SNX8: variants seen among roughly 807,000 people sequenced by gnomAD.
SNX8 encodes the protein sorting nexin-8.
In SNX8, 25 loss-of-function variants were observed where a neutral mutation model predicts 51.6. That is an observed-to-expected ratio of 0.48 (90% CI 0.35 to 0.68). The LOEUF (loss-of-function observed/expected upper bound fraction) is 0.68. Ranked by LOEUF, SNX8 falls within the 30% of genes least tolerant of loss-of-function variation. The pLI, the probability that SNX8 is intolerant of heterozygous loss-of-function variation, is 0.00. For missense variants in SNX8, 695 were observed against 624.0 expected, an observed-to-expected ratio of 1.11 and a Z score of -1.21; for synonymous variants, 324 against 277.0, an observed-to-expected ratio of 1.17 and a Z score of -1.68.
chr7:2,299,102 C>T (rs1796336110), intron 1 of SNX8, among the ~76,000 whole-genome samples: 1 of 151,990 alleles, frequency 6.6e-6, no homozygotes, highest in Admixed American at 6.6e-5. Context: ...GAGCTAGGTT[C>T]CTCGATAGGA....
chr7:2,345,426 C>G (rs1006657252), intron 1 of SNX8, among the ~76,000 whole-genome samples: 13 of 152,078 alleles, frequency 8.5e-5, no homozygotes, highest in African/African-American at 2.7e-4. Context: ...ACTTGTAATC[C>G]CAGCACTTTG....
At chr7:2,261,822 G>C (rs905680293) in intron 7 of SNX8, among the ~76,000 whole-genome samples, 4 of 152,184 alleles carry the variant, frequency 2.6e-5, no homozygotes, top group Non-Finnish European at 4.4e-5. Flanking sequence ...AAACGTCACG[G>C]GCACCTGAGC....
At chr7:2,257,860 C>T (rs1638426244) in intron 7 of SNX8, 57 bp from the exon 8 acceptor site, 5 of 1,540,100 alleles carry the variant, frequency 3.2e-6, no homozygotes, top group South Asian at 2.2e-5. Context: ...GGTCCCTGCC[C>T]GGGAACTCAG....
At chr7:2,276,315 C>T (rs12669625) in intron 2 of SNX8, among the ~76,000 whole-genome samples, 47,971 of 152,100 alleles carry the variant, frequency 0.32, 8,719 homozygotes, top group East Asian at 0.56. Context: ...TCCCCGACTG[C>T]GGCCCAGAGG....
chr7:2,294,685 G>A (rs1345695220), intron 1 of SNX8, among the ~76,000 whole-genome samples: 2 of 152,130 alleles, frequency 1.3e-5, no homozygotes, highest in Admixed American at 6.6e-5. Context: ...GGAGCCGCAG[G>A]TCTGTCTGTG....
chr7:2,309,863 C>T (rs1319422950), intron 1 of SNX8: 1 of 471,072 alleles, frequency 2.1e-6, no homozygotes, highest in Admixed American at 2.3e-5. Context: ...GCATGGAAGT[C>T]GCCCAGGCAA....
chr7:2,268,853 T>TG (rs756311927), intron 5 of SNX8, among the ~76,000 whole-genome samples: 1 of 14,964 alleles, frequency 6.7e-5, no homozygotes, highest in African/African-American at 1.7e-4. Context: ...GGGAGGGAGG[T>TG]GGGGGGGTCA....
chr7:2,323,315 G>C (rs1778567837), intron 1 of SNX8, among the ~76,000 whole-genome samples: 1 of 122,772 alleles, frequency 8.1e-6, no homozygotes, highest in Non-Finnish European at 1.6e-5. Context: ...GGGCGACAGA[G>C]TGAGAGTCTG....
intron 1 of SNX8, among the ~76,000 whole-genome samples, chr7:2,290,151 C>A (rs1201060244): frequency 6.6e-6 from 1 of 152,100 alleles, no homozygotes; most frequent in East Asian, 1.9e-4. Flanking sequence ...GGAGATTACA[C>A]CACGGCCCTC....
intron 1 of SNX8, among the ~76,000 whole-genome samples, chr7:2,338,278 T>C (rs986603390): frequency 3.3e-5 from 5 of 151,716 alleles, no homozygotes; most frequent in Non-Finnish European, 5.9e-5. Context: ...CTGGCTAACA[T>C]GGTGAAACTC....
chr7:2,348,426 C>T (rs1425002255), intron 1 of SNX8, among the ~76,000 whole-genome samples: 7 of 151,038 alleles, frequency 4.6e-5, no homozygotes, highest in South Asian at 2.1e-4. Flanking sequence ...CTGCAAGCTC[C>T]GCCTTCCGGG....
chr7:2,310,851 T>C (rs754897303), intron 1 of SNX8, among the ~76,000 whole-genome samples: 31 of 152,110 alleles, frequency 2.0e-4, no homozygotes, highest in Non-Finnish European at 4.1e-4. Flanking sequence ...AGCACACTTA[T>C]ATAAGGAAGT....
rs546607837 is a variant in SNX8 at position 2,275,182 on chromosome 7, G to C, written c.348C>G (p.Phe116Leu). 1 of 1,614,162 alleles carries C rather than the reference G, an allele frequency of 6.2e-7. No individual in the cohort carries two copies. The highest frequency in any genetic ancestry group is 1.7e-5 in the Admixed American group (1 of 60,014). Reference protein sequence around the residue: ...VYRRYNDFVVFQEMLLHKFPY... With the variant: ...VYRRYNDFVVLQEMLLHKFPY... ...GGAACTTGTGCAGGAGCATCTCCTG[G>C]AAGACCACGAAGTCATTGTACCGTC... is the stretch of plus-strand genomic sequence containing the variant. The change falls in exon 3 of 11, where the codon TTC (phenylalanine) becomes TTG (leucine). Residue 116 changes from phenylalanine (F) to leucine (L), a missense_variant. Phe to Leu is a conservative substitution (Grantham distance 22). Transcript: ENST00000222990.
intron 1 of SNX8, among the ~76,000 whole-genome samples, chr7:2,348,261 T>C (rs1389774556): frequency 3.3e-5 from 5 of 150,810 alleles, no homozygotes; most frequent in African/African-American, 1.2e-4. Flanking sequence ...TAGCTCCCCC[T>C]CTAGCCTGCA....
chr7:2,313,110 A>G (rs189110430), intron 1 of SNX8, among the ~76,000 whole-genome samples: 1 of 151,908 alleles, frequency 6.6e-6, no homozygotes, highest in Admixed American at 6.6e-5. Context: ...CGTGTTAGCC[A>G]GGATGGTCTT....
At chr7:2,264,564 T>G (rs1447499831) in intron 5 of SNX8, 106 bp from the exon 6 acceptor site, 2 of 1,065,796 alleles carry the variant, frequency 1.9e-6, no homozygotes, top group Non-Finnish European at 2.7e-6. Flanking sequence ...ACACAGCAGG[T>G]CCATGAGCCA....
At chr7:2,301,895 A>G (rs1159329605) in intron 1 of SNX8, among the ~76,000 whole-genome samples, 1 of 152,098 alleles carries the variant, frequency 6.6e-6, no homozygotes, top group Non-Finnish European at 1.5e-5. Context: ...TCAGCTTGTT[A>G]GTTCACACAC....
chr7:2,302,714 C>CA (rs1796428598), intron 1 of SNX8, among the ~76,000 whole-genome samples: 1 of 151,920 alleles, frequency 6.6e-6, no homozygotes, highest in African/African-American at 2.4e-5. Context: ...TTTGCCCGGC[C>CA]GCCCATCGTC....
intron 1 of SNX8, among the ~76,000 whole-genome samples, chr7:2,296,082 A>G (rs1396579831): frequency 6.6e-6 from 1 of 152,072 alleles, no homozygotes. Context: ...TTCCATGTGA[A>G]TTTTTGGATC....
Sources: gnomAD v4.1 joint callset for allele counts (sites outside exome capture counted in the v4.1 genomes callset) on GRCh38, gnomAD v4.1.1 for gene constraint, MANE v1.5 for transcripts, NCBI Gene and HGNC (gene_info 2026-07-23, HGNC 2026-07-21) for gene names.